Variants in GDA observed in about 807,000 individuals in gnomAD.
GDA encodes the protein cytoplasmic PSD-95 interactor.
A neutral mutation model predicts 59.6 loss-of-function variants in GDA; 18 were observed. That is an observed-to-expected ratio of 0.30 (90% CI 0.21 to 0.45). GDA has a LOEUF of 0.45. Ranked by LOEUF, GDA falls within the 20% of genes least tolerant of loss-of-function variation. The pLI is 1.00. For synonymous variants in GDA, 201 were observed against 201.1 expected (o/e 1.00, Z 0.00); for missense variants, 427 against 552.3 (o/e 0.77, Z 2.27).
intron 9 of GDA, 144 bp from the exon 10 acceptor site, chr9:72,230,970 A>G (rs1838268490): frequency 3.0e-6 from 2 of 666,454 alleles, no homozygotes; most frequent in Non-Finnish European, 5.5e-6. Context: ...GGATGGTCTG[A>G]TTTGACTAAT....
chr9:72,224,425 G>A (rs1409228492), intron 7 of GDA, among the ~76,000 whole-genome samples: 3 of 152,042 alleles, frequency 2.0e-5, no homozygotes, highest in African/African-American at 7.2e-5. Context: ...ATTTAGCTAC[G>A]CATATTCTAA....
upstream of GDA, among the ~76,000 whole-genome samples, chr9:72,147,938 C>T (rs545730816): frequency 2.2e-4 from 33 of 152,256 alleles, no homozygotes; most frequent in African/African-American, 7.7e-4. Context: ...CATCTGTGTG[C>T]ATGGTTCTGA....
chr9:72,219,288 A>G (rs894145768), intron 5 of GDA, among the ~76,000 whole-genome samples, 191 bp from the exon 6 acceptor site: 3 of 152,054 alleles, frequency 2.0e-5, no homozygotes, highest in Non-Finnish European at 4.4e-5. Context: ...CTGTAGTCCC[A>G]GCTACTCGGG....
intron 1 of GDA, among the ~76,000 whole-genome samples, chr9:72,135,698 G>C (rs896706427): frequency 2.6e-5 from 4 of 152,102 alleles, no homozygotes; most frequent in Non-Finnish European, 5.9e-5. Flanking sequence ...GGAGGCCGAG[G>C]TGGGCAGATC....
At chr9:72,228,325 G>C in intron 9 of GDA, 1 of 339,126 alleles carries the variant, frequency 2.9e-6, no homozygotes, top group Non-Finnish European at 5.5e-6. Flanking sequence ...TACAGTGAAA[G>C]TACTGAAAGA....
intron 10 of GDA, among the ~76,000 whole-genome samples, chr9:72,240,603 G>A (rs1839504912): frequency 6.6e-6 from 1 of 152,156 alleles, no homozygotes; most frequent in Non-Finnish European, 1.5e-5. Flanking sequence ...CTCAAGATGA[G>A]ATTATTCTAA....
chr9:72,249,139 A>C lies in GDA; in HGVS notation c.*797A>C. On this transcript the variant is annotated 3_prime_UTR_variant, in exon 14 of 14. Coordinates refer to ENST00000358399, the MANE Select transcript of GDA (RefSeq NM_004293.5). Reference sequence around the variant, plus strand: ...TTGTGTACTTTAAAATCAACTTATAACTGTGAGATGTTATTGCTTCCATTT... The same window carrying C: ...TTGTGTACTTTAAAATCAACTTATACCTGTGAGATGTTATTGCTTCCATTT... 1 of 980,440 alleles carries C rather than the reference A, an allele frequency of 1.0e-6. No individual in the cohort carries two copies. The highest frequency in any genetic ancestry group is 1.2e-6 in the Non-Finnish European group (1 of 825,116). The allele number at this position is 980,440 out of a possible 1,614,324, so 60.7% of individuals were successfully genotyped here. A position where few individuals can be genotyped will look rare whatever the true frequency, so the allele number is the denominator to read the frequency against.
rs188849634 is a variant in GDA at position 72,233,984 on chromosome 9, A to G, written c.988+2803A>G. ...GAAAGAATTGTATGAGGATGTTTAT[A>G]TCAGCTTTATTTATAATAGCCCCAA... On this transcript the variant is annotated intron_variant, in intron 10 of 13. Transcript: ENST00000358399. Among the ~76,000 whole-genome samples, 368 of 152,282 alleles carry G rather than the reference A, an allele frequency of 2.4e-3. 3 individuals are homozygous for G. The highest frequency in any genetic ancestry group is 8.3e-3 in the African/African-American group (347 of 41,560).
chr9:72,203,098 A>T (rs1183185588), intron 3 of GDA, among the ~76,000 whole-genome samples: 1 of 152,180 alleles, frequency 6.6e-6, no homozygotes, highest in Admixed American at 6.5e-5. Flanking sequence ...TCATTATGTG[A>T]CCTTTGCAAA....
At chr9:72,138,556 G>A (rs986458313) in intron 1 of GDA, among the ~76,000 whole-genome samples, 3 of 152,172 alleles carry the variant, frequency 2.0e-5, no homozygotes, top group African/African-American at 7.2e-5. Context: ...AGCATGCCAG[G>A]TACTGCATTA....
At chr9:72,258,964 G>A (rs1840912649), downstream of GDA, among the ~76,000 whole-genome samples, 1 of 151,992 alleles carries the variant, frequency 6.6e-6, no homozygotes, top group African/African-American at 2.4e-5. Context: ...GCTCATGAAT[G>A]ATCTCCTCTG....
chr9:72,225,988 AGTGTGTGTGT>A (rs35524358), intron 8 of GDA, among the ~76,000 whole-genome samples: 2 of 147,920 alleles, frequency 1.4e-5, no homozygotes, highest in East Asian at 2.0e-4. Context: ...AGTAAAGCCT[AGTGTGTGTGT>A]GTGTGTGTGT....
intron 10 of GDA, among the ~76,000 whole-genome samples, chr9:72,232,528 A>G (rs1352593341): frequency 2.6e-5 from 4 of 152,216 alleles, no homozygotes; most frequent in African/African-American, 9.6e-5. Context: ...TTTTATGTTC[A>G]CAAAAAAGCT....
chr9:72,176,316 A>C (rs886736928), intron 1 of GDA, among the ~76,000 whole-genome samples: 9 of 152,228 alleles, frequency 5.9e-5, no homozygotes, highest in South Asian at 2.1e-4. Flanking sequence ...GCCAGATGGA[A>C]GCCATCCTTT....
intron 1 of GDA, among the ~76,000 whole-genome samples, chr9:72,138,911 T>C (rs975186044): frequency 2.6e-5 from 4 of 152,344 alleles, no homozygotes; most frequent in Admixed American, 2.6e-4. Context: ...ACATCAATCA[T>C]ATTTAATTGA....
chr9:72,136,100 A>G (rs1826214622), intron 1 of GDA, among the ~76,000 whole-genome samples: 1 of 152,200 alleles, frequency 6.6e-6, no homozygotes, highest in Non-Finnish European at 1.5e-5. Context: ...ATAAGAAACT[A>G]GCTATACCAA....
In GDA at chr9:72,223,140, A is replaced by C. The variant is rs1416807932; in HGVS notation, c.627A>C (p.Ile209=). The C allele has an allele frequency of 3.7e-6, 6 of 1,600,580 alleles. No homozygotes were observed. The highest frequency in any genetic ancestry group is 5.1e-6 in the Non-Finnish European group (6 of 1,167,810). The change falls in exon 7 of 14, where the codon ATA becomes ATC. Residue 209 remains isoleucine (I), a synonymous_variant. Coordinates refer to ENST00000358399, the MANE Select transcript of GDA (RefSeq NM_004293.5). ...TCCAGTATTCTAGAGTGAAGCCCAT[A>C]GTGACACCACGTTTTTCCCTCTCCT... is the stretch of plus-strand genomic sequence containing the variant. ...LQKNYSRVKP[I]VTPRFSLSCS...
At chr9:72,168,795 T>C (rs572615077) in intron 1 of GDA, among the ~76,000 whole-genome samples, 7 of 152,362 alleles carry the variant, frequency 4.6e-5, no homozygotes, top group African/African-American at 1.7e-4. Context: ...TCTTTATCTC[T>C]ATTTTTCAGA....
At chr9:72,166,515 A>T (rs1829331399) in intron 1 of GDA, among the ~76,000 whole-genome samples, 1 of 152,198 alleles carries the variant, frequency 6.6e-6, no homozygotes, top group Non-Finnish European at 1.5e-5. Context: ...CAAAGTAGCT[A>T]GAAGACAGAA....
Sources: allele counts gnomAD v4.1 joint callset (sites outside exome capture counted in the v4.1 genomes callset), GRCh38; gene constraint gnomAD v4.1.1; transcripts MANE v1.5; gene names NCBI Gene and HGNC (gene_info 2026-07-23, HGNC 2026-07-21).